Variants in PCDHA13 observed in about 807,000 individuals in gnomAD.
The protein encoded by PCDHA13 is protocadherin alpha-13.
PCDHA13 carries 54 observed loss-of-function variants against 64.8 expected under a neutral mutation model. The ratio of observed to expected loss-of-function variants is 0.83; its 90% CI spans 0.67 to 1.04. The LOEUF is 1.04. PCDHA13 is among the 50% of genes least tolerant of loss of function. PCDHA13 has a pLI of 0.00. For missense variants in PCDHA13, 1,248 were observed against 1,254.3 expected (o/e 0.99, Z 0.08); for synonymous variants, 587 against 564.4 (o/e 1.04, Z -0.57).
chr5:140,882,279 C>A lies in PCDHA13; in HGVS notation c.11C>A (p.Ser4Tyr), dbSNP rs1456228410. The A allele has an allele frequency of 6.2e-7, 1 of 1,612,386 alleles. No homozygotes were observed. The highest frequency in any genetic ancestry group is 8.5e-7 in the Non-Finnish European group (1 of 1,178,934). MLS[S>Y]WQGGPRPRQL... ...TTTTTGGAGTGTACCATGCTGTCTT[C>A]CTGGCAAGGAGGCCCAAGACCGCGG... The change falls in exon 1 of 4, where the codon TCC (serine) becomes TAC (tyrosine). Residue 4 changes from serine to tyrosine, a missense_variant. Physicochemically the swap from Ser to Tyr is moderately radical, Grantham distance 144. Coordinates refer to ENST00000289272, the MANE Select transcript of PCDHA13 (RefSeq NM_018904.3).
In PCDHA13 at chr5:140,937,039, C is replaced by CTT. The variant is rs34994034; in HGVS notation, c.2395-41895_2395-41894dup. On this transcript the variant is annotated intron_variant, in intron 1 of 3. Coordinates refer to ENST00000289272, the MANE Select transcript of PCDHA13 (RefSeq NM_018904.3). ...TAACAAGGTATATTCTTCCATTTATCTTTTTTTTTTTTTTTTGAGACGGAG... is the reference window on the plus strand; with the variant it reads ...TAACAAGGTATATTCTTCCATTTATCTTTTTTTTTTTTTTTTTTGAGACGGAG... 3.4e-3 allele frequency among the ~76,000 whole-genome samples: 476 copies of CTT among 140,122 alleles called. 6 individuals carry two copies. The highest frequency in any genetic ancestry group is 0.011 in the South Asian group (47 of 4,432). 91.9% of individuals were successfully genotyped at this position (140,122 alleles called of 152,430 possible).
intron 1 of PCDHA13, chr5:140,929,324 T>C (rs781810168): frequency 1.2e-5 from 19 of 1,540,130 alleles, no homozygotes; most frequent in Non-Finnish European, 3.5e-6. Context: ...GTCAATGCCA[T>C]GGTAAGCAAA....
intron 1 of PCDHA13, among the ~76,000 whole-genome samples, chr5:140,975,597 T>C (rs2096674133): frequency 6.6e-6 from 1 of 152,242 alleles, no homozygotes; most frequent in Non-Finnish European, 1.5e-5. Context: ...GAGGGCAATT[T>C]GTTGATGTCT....
chr5:140,930,329 A>C (rs868965676), intron 1 of PCDHA13: 1 of 152,198 alleles, frequency 6.6e-6, no homozygotes, highest in African/African-American at 2.4e-5. Context: ...AATGTATCTA[A>C]TGAAAGTTAA....
At position 140,882,675 on chromosome 5, in the gene PCDHA13, G is replaced by A; in HGVS notation, c.407G>A (p.Ser136Asn). The A allele has an allele frequency of 6.2e-7, 1 of 1,614,218 alleles. No individual in the cohort carries two copies. Among genetic ancestry groups the A allele is most frequent in the Non-Finnish European group, 8.5e-7 (1 of 1,180,038 alleles). Residue 136 changes from serine to asparagine, a missense_variant, in exon 1 of 4, where the codon AGC (serine) becomes AAC (asparagine). By Grantham distance (46) the Ser-to-Asn change is conservative. Coordinates refer to ENST00000289272, the MANE Select transcript of PCDHA13 (RefSeq NM_018904.3). ...INDNPPIFPE[S>N]KKRIIIAESR... Reference sequence around the variant, plus strand: ...GACAACCCGCCCATATTCCCTGAAAGCAAGAAACGAATAATCATTGCAGAA... The same window carrying A: ...GACAACCCGCCCATATTCCCTGAAAACAAGAAACGAATAATCATTGCAGAA...
chr5:140,884,484 T>TA lies in PCDHA13; in HGVS notation c.2217dup (p.Val740SerfsTer27). ...GCGTGCGCGCCGGGCAAGCCCACTC[T>TA]AGTGTGCTCCAGCGCGGCAGGGAGT... On this transcript the variant is annotated frameshift_variant, in exon 1 of 4. Transcript: ENST00000289272. LOFTEE classifies it high-confidence loss of function. The TA allele has an allele frequency of 6.2e-7, 1 of 1,613,922 alleles. No individual in the cohort carries two copies. The highest frequency in any genetic ancestry group is 8.5e-7 in the Non-Finnish European group (1 of 1,179,936).
intron 1 of PCDHA13, among the ~76,000 whole-genome samples, chr5:140,947,198 TA>T (rs1554218091): frequency 1.3e-5 from 2 of 151,312 alleles, no homozygotes; most frequent in African/African-American, 4.8e-5. Flanking sequence ...TACACAGCCT[TA>T]AAAAAAGAAA....
intron 1 of PCDHA13, chr5:140,968,410 T>G: frequency 6.2e-7 from 1 of 1,614,040 alleles, no homozygotes. Context: ...TCTTTGTGAC[T>G]GTGGAGGCTC....
chr5:140,925,048 C>A (rs574148178), intron 1 of PCDHA13, among the ~76,000 whole-genome samples: 1 of 150,658 alleles, frequency 6.6e-6, no homozygotes, highest in South Asian at 2.1e-4. Flanking sequence ...AAGTTTGAGA[C>A]CAGACTGGGC....
chr5:140,898,033 GTTGT>G (rs2066486498), intron 1 of PCDHA13, among the ~76,000 whole-genome samples: 1 of 152,032 alleles, frequency 6.6e-6, no homozygotes, highest in South Asian at 2.1e-4. Flanking sequence ...TTTTGATGGG[GTTGT>G]TTGTTTTTTT....
At chr5:140,941,048 T>C (rs1157859382) in intron 1 of PCDHA13, among the ~76,000 whole-genome samples, 1 of 152,138 alleles carries the variant, frequency 6.6e-6, no homozygotes, top group African/African-American at 2.4e-5. Context: ...CAAGTCAAAT[T>C]CCCCAGCAGT....
At chr5:140,965,037 C>T (rs1260839947) in intron 1 of PCDHA13, among the ~76,000 whole-genome samples, 1 of 152,142 alleles carries the variant, frequency 6.6e-6, no homozygotes, top group African/African-American at 2.4e-5. Context: ...TAACTGTCCG[C>T]TCTAGGAGGG....
In PCDHA13 at chr5:141,010,127, T is replaced by A. The variant is rs1419190844; in HGVS notation, c.*190T>A. On this transcript the variant is annotated 3_prime_UTR_variant, in exon 4 of 4. Transcript: ENST00000289272. ...TTTGTCGTAAAAGCTTTACTAAGTC[T>A]GGTGTTAACTCTTTCTCTCCACTCT... The A allele has an allele frequency of 1.9e-6, 3 of 1,602,472 alleles. No individual in the cohort carries two copies. Among genetic ancestry groups the A allele is most frequent in the Non-Finnish European group, 2.6e-6 (3 of 1,173,756 alleles).
chr5:140,963,032 T>C (rs541613535), intron 1 of PCDHA13, among the ~76,000 whole-genome samples: 8 of 152,290 alleles, frequency 5.3e-5, no homozygotes, highest in African/African-American at 1.9e-4. Context: ...CAATTAACAT[T>C]TATTGAGAGT....
intron 3 of PCDHA13, among the ~76,000 whole-genome samples, chr5:140,991,361 G>C (rs1183124741): frequency 6.6e-6 from 1 of 152,200 alleles, no homozygotes; most frequent in Non-Finnish European, 1.5e-5. Context: ...ACTATTTACT[G>C]TCTGAGTTCT....
chr5:140,882,409 C>A lies in PCDHA13; in HGVS notation c.141C>A (p.Arg47=). 6.2e-7 allele frequency: 1 copy of A among 1,614,158 alleles called. No individual in the cohort carries two copies. Among genetic ancestry groups the A allele is most frequent in the Non-Finnish European group, 8.5e-7 (1 of 1,180,044 alleles). ...CAAAACACGGCACCTTCGTGGGCCG[C>A]ATCGCTCAGGACCTGGGGCTGGAGC... ...EEAKHGTFVG[R]IAQDLGLELA... is the part of the protein sequence containing the mutation. Residue 47 remains arginine (R), a synonymous_variant, in exon 1 of 4, where the codon CGC becomes CGA. Transcript: ENST00000289272.
chr5:140,985,202 G>A (rs1554246846), intron 3 of PCDHA13, among the ~76,000 whole-genome samples: 1 of 152,204 alleles, frequency 6.6e-6, no homozygotes, highest in Non-Finnish European at 1.5e-5. Flanking sequence ...CTCCCAAAGT[G>A]TTGGGATTAC....
intron 3 of PCDHA13, among the ~76,000 whole-genome samples, chr5:141,006,429 G>A (rs541690957): frequency 1.3e-5 from 2 of 152,004 alleles, no homozygotes; most frequent in South Asian, 4.2e-4. Context: ...TAGCCAGGAT[G>A]GTCTCAATCT....
intron 3 of PCDHA13, among the ~76,000 whole-genome samples, chr5:140,985,728 C>G (rs2097165709): frequency 6.7e-6 from 1 of 148,846 alleles, no homozygotes; most frequent in Admixed American, 6.8e-5. Flanking sequence ...TTTTCCTTCA[C>G]TGATGAATTC....
Sources: gnomAD v4.1 joint callset for allele counts (sites outside exome capture counted in the v4.1 genomes callset) on GRCh38, gnomAD v4.1.1 for gene constraint, MANE v1.5 for transcripts, NCBI Gene and HGNC (gene_info 2026-07-23, HGNC 2026-07-21) for gene names.